Variants in HS6ST3 observed in about 807,000 individuals in gnomAD.
The protein encoded by HS6ST3 is heparan-sulfate 6-O-sulfotransferase 3.
A neutral mutation model predicts 36.7 loss-of-function variants in HS6ST3; 12 were observed. The ratio of observed to expected loss-of-function variants is 0.33; its 90% CI spans 0.21 to 0.53. HS6ST3 has a LOEUF of 0.53. Ranked by LOEUF, HS6ST3 falls within the 20% of genes least tolerant of loss-of-function variation. The pLI, the probability that HS6ST3 is intolerant of heterozygous loss-of-function variation, is 0.95. For missense variants in HS6ST3, 584 were observed against 640.9 expected (o/e 0.91, Z 0.96); for synonymous variants, 240 against 257.5 (o/e 0.93, Z 0.65).
At chr13:96,384,883 T>C (rs1055695909) in intron 1 of HS6ST3, among the ~76,000 whole-genome samples, 7 of 152,106 alleles carry the variant, frequency 4.6e-5, no homozygotes, top group African/African-American at 1.7e-4. Flanking sequence ...AAAAATACTC[T>C]TAAAAGGGTT....
chr13:96,105,524 G>A (rs1300670551), intron 1 of HS6ST3, among the ~76,000 whole-genome samples: 1 of 152,056 alleles, frequency 6.6e-6, no homozygotes, highest in Admixed American at 6.6e-5. Context: ...GGTGGTGGGT[G>A]CCTGTAGTCC....
intron 1 of HS6ST3, among the ~76,000 whole-genome samples, chr13:96,727,827 G>T (rs544663449): frequency 6.6e-6 from 1 of 152,162 alleles, no homozygotes; most frequent in South Asian, 2.1e-4. Context: ...CTCTTCCCAT[G>T]CTATTTCTTT....
chr13:96,727,821 T>G (rs1415295253), intron 1 of HS6ST3, among the ~76,000 whole-genome samples: 1 of 152,178 alleles, frequency 6.6e-6, no homozygotes, highest in Non-Finnish European at 1.5e-5. Context: ...CTCAGCCTCT[T>G]CCCATGCTAT....
chr13:96,217,118 T>C (rs961974482), intron 1 of HS6ST3, among the ~76,000 whole-genome samples: 8 of 152,282 alleles, frequency 5.3e-5, no homozygotes, highest in Non-Finnish European at 5.9e-5. Context: ...GAGTTGGGTA[T>C]TGGGGAGCCA....
At chr13:96,431,391 G>A (rs139868890) in intron 1 of HS6ST3, among the ~76,000 whole-genome samples, 1 of 152,292 alleles carries the variant, frequency 6.6e-6, no homozygotes, top group African/African-American at 2.4e-5. Flanking sequence ...GTGATTGACA[G>A]TGGGAATGTC....
chr13:96,535,557 CAAAAAA>C (rs5805976), intron 1 of HS6ST3, among the ~76,000 whole-genome samples: 138 of 125,214 alleles, frequency 1.1e-3, no homozygotes, highest in African/African-American at 3.9e-3. Flanking sequence ...GACTCTGTTT[CAAAAAA>C]AAAAAAAAAA....
intron 1 of HS6ST3, among the ~76,000 whole-genome samples, chr13:96,438,689 T>G (rs901814036): frequency 2.0e-5 from 3 of 152,232 alleles, no homozygotes; most frequent in Non-Finnish European, 4.4e-5. Context: ...TGTAGATGAC[T>G]CTAATGAAAC....
chr13:96,304,226 T>C (rs1433535632), intron 1 of HS6ST3, among the ~76,000 whole-genome samples: 2 of 152,130 alleles, frequency 1.3e-5, no homozygotes, highest in Non-Finnish European at 2.9e-5. Context: ...TCTGTTTTGA[T>C]TGGCCCTCAC....
intron 1 of HS6ST3, among the ~76,000 whole-genome samples, chr13:96,590,266 G>C (rs1217568677): frequency 6.6e-6 from 1 of 152,110 alleles, no homozygotes; most frequent in Non-Finnish European, 1.5e-5. Flanking sequence ...CCTCCAAACT[G>C]TTTTCCATAC....
chr13:96,443,196 TA>T (rs2055681438), intron 1 of HS6ST3, among the ~76,000 whole-genome samples: 1 of 152,052 alleles, frequency 6.6e-6, no homozygotes, highest in Admixed American at 6.5e-5. Context: ...ATTTTTTTTG[TA>T]AAAAAATTTT....
chr13:96,613,544 A>G (rs559388091), intron 1 of HS6ST3, among the ~76,000 whole-genome samples: 1 of 152,286 alleles, frequency 6.6e-6, no homozygotes, highest in East Asian at 1.9e-4. Context: ...TATTAATTTG[A>G]GGTGTTGGTA....
chr13:96,314,562 A>G (rs1370019356), intron 1 of HS6ST3, among the ~76,000 whole-genome samples: 3 of 152,220 alleles, frequency 2.0e-5, no homozygotes, highest in African/African-American at 7.2e-5. Flanking sequence ...AAAGCAGTCT[A>G]TATGTCTTTG....
chr13:96,276,601 G>C (rs1470534416), intron 1 of HS6ST3, among the ~76,000 whole-genome samples: 2 of 152,150 alleles, frequency 1.3e-5, no homozygotes, highest in African/African-American at 4.8e-5. Flanking sequence ...AAAGTATCTT[G>C]CACATATTGC....
chr13:96,350,554 C>G (rs184542420), intron 1 of HS6ST3, among the ~76,000 whole-genome samples: 64 of 152,294 alleles, frequency 4.2e-4, no homozygotes, highest in Non-Finnish European at 7.6e-4. Flanking sequence ...GTCTCTAACT[C>G]TAATCTTATA....
At chr13:96,174,045 A>C (rs983733075) in intron 1 of HS6ST3, among the ~76,000 whole-genome samples, 1 of 152,190 alleles carries the variant, frequency 6.6e-6, no homozygotes, top group Non-Finnish European at 1.5e-5. Context: ...AGATAGGAAC[A>C]GTTGTCAGTT....
chr13:96,677,459 T>G (rs2056702612), intron 1 of HS6ST3, among the ~76,000 whole-genome samples: 1 of 152,160 alleles, frequency 6.6e-6, no homozygotes, highest in Non-Finnish European at 1.5e-5. Context: ...CTTGGCATTT[T>G]AAATTTAATT....
chr13:96,615,464 G>A (rs1323278778), intron 1 of HS6ST3, among the ~76,000 whole-genome samples: 6 of 152,120 alleles, frequency 3.9e-5, no homozygotes, highest in African/African-American at 4.8e-5. Flanking sequence ...GATGGATGGT[G>A]GGTCTTGTGA....
At chr13:96,748,714 C>A (rs1360284217) in intron 1 of HS6ST3, among the ~76,000 whole-genome samples, 1 of 151,978 alleles carries the variant, frequency 6.6e-6, no homozygotes, top group African/African-American at 2.4e-5. Context: ...TCACTTGAGT[C>A]CCTAAATGAG....
intron 1 of HS6ST3, among the ~76,000 whole-genome samples, chr13:96,219,633 T>C (rs2054445182): frequency 6.6e-6 from 1 of 152,184 alleles, no homozygotes. Context: ...GATAAAAGTG[T>C]GGACGATGGA....
Sources: allele counts gnomAD v4.1 joint callset (sites outside exome capture counted in the v4.1 genomes callset), GRCh38; gene constraint gnomAD v4.1.1; transcripts MANE v1.5; gene names NCBI Gene and HGNC (gene_info 2026-07-23, HGNC 2026-07-21).